WFDC1: variants seen among roughly 807,000 people sequenced by gnomAD.
The protein encoded by WFDC1 is WAP four-disulfide core domain protein 1.
A neutral mutation model predicts 32.9 loss-of-function variants in WFDC1; 39 were observed. The ratio of observed to expected loss-of-function variants is 1.19; its 90% CI spans 0.92 to 1.55. The LOEUF (loss-of-function observed/expected upper bound fraction) is 1.55. Among genes scored for constraint, WFDC1 ranks in the 40% most tolerant of loss-of-function variants. The pLI is 0.00. For synonymous variants in WFDC1, 184 were observed against 137.4 expected (o/e 1.34, Z -2.37); for missense variants, 386 against 309.5 (o/e 1.25, Z -1.85).
rs538739133 is a variant in WFDC1 at position 84,316,751 on chromosome 16, G to A, written c.338-1521G>A. On this transcript the variant is annotated intron_variant, in intron 2 of 6. Transcript: ENST00000219454. The stretch of plus-strand genomic sequence containing the variant: ...CCAGCACTTTGGGAGGGCAAGGCGG[G>A]TAGATCACCTGAGGTCAGGAGTTCT... 2.6e-5 allele frequency: 4 copies of A among 152,332 alleles called. No homozygotes were observed. The East Asian group carries it at 5.8e-4, about 22-fold the overall frequency. 9.4% of individuals were successfully genotyped at this position (152,332 alleles called of 1,614,324 possible).
intron 1 of WFDC1, 172 bp downstream of exon 1, chr16:84,295,287 ACCCCC>A: frequency 1.3e-6 from 1 of 773,962 alleles, no homozygotes; most frequent in African/African-American, 1.8e-5. Context: ...GATGGGGCTC[ACCCCC>A]AAAAAAGGAC....
At chr16:84,319,378 G>C (rs1908160630) in intron 3 of WFDC1, 53 bp from the exon 4 acceptor site, 2 of 1,590,986 alleles carry the variant, frequency 1.3e-6, no homozygotes, top group African/African-American at 2.7e-5. Flanking sequence ...CCTAGCATGT[G>C]CACCTGTCCT....
At chr16:84,326,220 CCATCCATCCATCATT>C (rs1227178457) in intron 5 of WFDC1, 1 of 152,234 alleles carries the variant, frequency 6.6e-6, no homozygotes, top group African/African-American at 2.4e-5. Flanking sequence ...ATTCACCCAT[CCATCCATCCATCATT>C]TATCCATTCA....
At chr16:84,326,182 CATCCATCCATCATTT>C (rs1908591501) in intron 5 of WFDC1, 1 of 144,938 alleles carries the variant, frequency 6.9e-6, no homozygotes, top group Non-Finnish European at 1.6e-5. Context: ...TCCATGCATC[CATCCATCCATCATTT>C]ATCCATTCAC....
intron 1 of WFDC1, among the ~76,000 whole-genome samples, chr16:84,304,611 C>T (rs912876014): frequency 3.9e-5 from 6 of 152,122 alleles, no homozygotes; most frequent in African/African-American, 1.2e-4. Context: ...TCAGTGGCTA[C>T]TTTGAAATAG....
At position 84,295,103 on chromosome 16, in the gene WFDC1, C is replaced by A. The variant is rs145499544; in HGVS notation, c.132C>A (p.Ala44=). 6.2e-7 allele frequency: 1 copy of A among 1,613,902 alleles called. No individual in the cohort carries two copies. The highest frequency in any genetic ancestry group is 8.5e-7 in the Non-Finnish European group (1 of 1,179,864). ...IWKRALPARL[A]EKSRAEEAGA... ...AACGGGCATTGCCTGCGAGGCTGGC[C>A]GAGAAATCCCGTGTAAGTGCCTGGG... is the stretch of plus-strand genomic sequence containing the variant. Residue 44 remains alanine (A), a synonymous_variant, in exon 1 of 7, where the codon GCC becomes GCA. Transcript: ENST00000219454.
At chr16:84,314,058 AAAAAG>A (rs1467135966) in intron 2 of WFDC1, among the ~76,000 whole-genome samples, 12 of 152,150 alleles carry the variant, frequency 7.9e-5, no homozygotes, top group East Asian at 3.9e-4. Context: ...AAAAAGAAAG[AAAAAG>A]AAAAGAAAAG....
At position 84,296,641 on chromosome 16, in the gene WFDC1, C is replaced by T. The variant is rs76154154; in HGVS notation, c.144+1526C>T. 9.2e-5 allele frequency among the ~76,000 whole-genome samples: 14 copies of T among 152,268 alleles called. No individual in the cohort carries two copies. The East Asian group carries it at 2.7e-3, about 29-fold the overall frequency. On this transcript the variant is annotated intron_variant, in intron 1 of 6. Transcript: ENST00000219454. ...TCATATTCTCCATGTTCGGCACATG[C>T]TCGTGGCGGGAGACAGGAGGACTTC...
chr16:84,319,592 C>G (rs771243971), intron 4 of WFDC1, 21 bp downstream of exon 4: 6 of 1,608,754 alleles, frequency 3.7e-6, no homozygotes, highest in Non-Finnish European at 5.1e-6. Flanking sequence ...CACCCCAGCC[C>G]TGATCCTGGC....
At chr16:84,305,161 C>A (rs1017092602) in intron 1 of WFDC1, among the ~76,000 whole-genome samples, 1 of 152,202 alleles carries the variant, frequency 6.6e-6, no homozygotes, top group Non-Finnish European at 1.5e-5. Flanking sequence ...TATGTGAGGA[C>A]CCAGCACAGC....
At chr16:84,320,487 G>C (rs1014390124) in intron 4 of WFDC1, among the ~76,000 whole-genome samples, 2 of 152,232 alleles carry the variant, frequency 1.3e-5, no homozygotes, top group East Asian at 1.9e-4. Context: ...GCAATAAATA[G>C]ATGAGTGAAT....
intron 1 of WFDC1, among the ~76,000 whole-genome samples, chr16:84,306,842 G>T (rs958238415): frequency 6.6e-6 from 1 of 152,144 alleles, no homozygotes; most frequent in East Asian, 1.9e-4. Flanking sequence ...TATGTGCCAG[G>T]CACTGTTCTA....
At chr16:84,303,021 C>CTT (rs35785853) in intron 1 of WFDC1, among the ~76,000 whole-genome samples, 107 of 135,062 alleles carry the variant, frequency 7.9e-4, no homozygotes, top group East Asian at 1.3e-3. Flanking sequence ...TTCTTTCTTT[C>CTT]TTTTTTTTTT....
Position 84,319,413 on chromosome 16 carries a change from C to T in WFDC1, c.422-18C>T, listed in dbSNP as rs943505029. 9 of 1,606,676 alleles carry T rather than the reference C, an allele frequency of 5.6e-6. No individual in the cohort carries two copies. Among genetic ancestry groups the T allele is most frequent in the Admixed American group, 1.7e-5 (1 of 59,942 alleles). On this transcript the variant is annotated intron_variant, in intron 3 of 6. Coordinates refer to ENST00000219454, the MANE Select transcript of WFDC1 (RefSeq NM_021197.4). ...TGGGAGTCGGCCTTCTAGACCCCAGCGTGTGTCCCTCCTGCAGCAGAGGCG... is the reference window on the plus strand; with the variant it reads ...TGGGAGTCGGCCTTCTAGACCCCAGTGTGTGTCCCTCCTGCAGCAGAGGCG...
chr16:84,306,485 G>C (rs970493047), intron 1 of WFDC1, among the ~76,000 whole-genome samples: 3 of 152,216 alleles, frequency 2.0e-5, no homozygotes, highest in Non-Finnish European at 2.9e-5. Flanking sequence ...GCCGAGTCCA[G>C]CTTTACATTT....
At chr16:84,314,371 G>T (rs1347995779) in intron 2 of WFDC1, among the ~76,000 whole-genome samples, 1 of 152,166 alleles carries the variant, frequency 6.6e-6, no homozygotes, top group African/African-American at 2.4e-5. Context: ...GGTAGGATTT[G>T]CGGCAAGGAA....
intron 1 of WFDC1, among the ~76,000 whole-genome samples, chr16:84,302,547 C>T (rs907959569): frequency 6.6e-6 from 1 of 152,096 alleles, no homozygotes; most frequent in African/African-American, 2.4e-5. Flanking sequence ...ATCGTAGCTT[C>T]ACGCCCATCT....
intron 5 of WFDC1, chr16:84,326,091 A>G (rs952651794): frequency 2.0e-5 from 2 of 102,138 alleles, no homozygotes; most frequent in East Asian, 3.2e-4. Context: ...CCATCCGTCC[A>G]TCCACCCACC....
At chr16:84,319,184 T>C in intron 3 of WFDC1, 2 of 536,882 alleles carry the variant, frequency 3.7e-6, no homozygotes, top group Non-Finnish European at 6.6e-6. Flanking sequence ...CCTGTGAGAG[T>C]ATGTTTGGGA....
Sources: gnomAD v4.1 joint callset for allele counts (sites outside exome capture counted in the v4.1 genomes callset) on GRCh38, gnomAD v4.1.1 for gene constraint, MANE v1.5 for transcripts, NCBI Gene and HGNC (gene_info 2026-07-23, HGNC 2026-07-21) for gene names.